Variants in SEMA4F observed in about 807,000 individuals in gnomAD.
SEMA4F encodes the protein ssemaphorin 4F.
SEMA4F carries 51 observed loss-of-function variants against 78.4 expected under a neutral mutation model. That is an observed-to-expected ratio of 0.65 (90% CI 0.52 to 0.82). SEMA4F has a LOEUF of 0.82. Ranked by LOEUF, SEMA4F falls within the 40% of genes least tolerant of loss-of-function variation. SEMA4F has a pLI of 0.00. For missense variants in SEMA4F, 938 were observed against 1,014.4 expected, an observed-to-expected ratio of 0.92 and a Z score of 1.02; for synonymous variants, 418 against 408.7, an observed-to-expected ratio of 1.02 and a Z score of -0.27.
chr2:74,658,705 A>G lies in SEMA4F; in HGVS notation c.456+754A>G, dbSNP rs1048095217. 6.6e-6 allele frequency among the ~76,000 whole-genome samples: 1 copy of G among 152,252 alleles called. No homozygotes were observed. The highest frequency in any genetic ancestry group is 1.5e-5 in the Non-Finnish European group (1 of 68,054). On this transcript the variant is annotated intron_variant, in intron 4 of 13. Transcript: ENST00000357877. The surrounding 1 kb of genome is among the most constrained non-coding windows in gnomAD (Gnocchi z 4.3). ...TCTCAGCTTTTCCCATCTGTTACAC[A>G]GTAGTCAGCACTGGTCTTTTGGCAG...
Position 74,656,550 on chromosome 2 carries a change from C to T in SEMA4F, c.162C>T (p.Leu54=). 2 of 1,614,008 alleles carry T rather than the reference C, an allele frequency of 1.2e-6. No individual in the cohort carries two copies. Among genetic ancestry groups the T allele is most frequent in the Non-Finnish European group, 1.7e-6 (2 of 1,179,894 alleles). Residue 54 remains leucine (L), a synonymous_variant, in exon 2 of 14, where the codon CTC becomes CTT. Transcript: ENST00000357877. The stretch of plus-strand genomic sequence containing the variant: ...TCCTGCCAGAGGCTGACTCCTGTCT[C>T]ACCCGGTTCGCAGTCCCTCACACAT... ...SLPISEADSC[L]TRFAVPHTYN... is the part of the protein sequence containing the mutation.
chr2:74,689,054 CTA>C, the SEMA4F span, among the ~76,000 whole-genome samples: 2 of 152,116 alleles, frequency 1.3e-5, no homozygotes, highest in African/African-American at 2.4e-5. Flanking sequence ...TTGAAAGGCG[CTA>C]TTGTTAAGGT....
intron 12 of SEMA4F, 63 bp from the exon 13 acceptor site, chr2:74,679,213 A>G: frequency 8.3e-7 from 1 of 1,201,882 alleles, no homozygotes; most frequent in Non-Finnish European, 1.2e-6. Flanking sequence ...AGTCTTCAGT[A>G]ATACTGAGGG....
At chr2:74,655,223 A>G (rs1414258897) in intron 1 of SEMA4F, 1 of 321,798 alleles carries the variant, frequency 3.1e-6, no homozygotes, top group Non-Finnish European at 6.6e-6. Flanking sequence ...TTGGTAAACC[A>G]TTCAATGTGT....
chr2:74,706,771 G>C, the SEMA4F span, among the ~76,000 whole-genome samples: 4 of 152,124 alleles, frequency 2.6e-5, no homozygotes, highest in African/African-American at 9.7e-5. Context: ...TTCTGAGTTT[G>C]CCTATTTGTT....
the SEMA4F span, among the ~76,000 whole-genome samples, chr2:74,699,542 A>G: frequency 6.6e-6 from 1 of 152,172 alleles, no homozygotes; most frequent in Non-Finnish European, 1.5e-5. Flanking sequence ...GGACTAAGAT[A>G]ATGGATATAG....
rs1233320975 is a variant in SEMA4F at position 74,658,938 on chromosome 2, A to G, written c.456+987A>G. Among the ~76,000 whole-genome samples, 1 of 151,856 alleles carries G rather than the reference A, an allele frequency of 6.6e-6. No individual in the cohort carries two copies. Among genetic ancestry groups the G allele is most frequent in the African/African-American group, 2.4e-5 (1 of 41,320 alleles). ...GGATCAAGTCAGTGTGTATCTCTAA[A>G]CCCCTCTTTGTTACATACCACCCTC... is the stretch of plus-strand genomic sequence containing the variant. On this transcript the variant is annotated intron_variant, in intron 4 of 13. Coordinates refer to ENST00000357877, the MANE Select transcript of SEMA4F (RefSeq NM_004263.5). The surrounding 1 kb of genome is among the most constrained non-coding windows in gnomAD (Gnocchi z 4.3).
intron 1 of SEMA4F, 102 bp downstream of exon 1, chr2:74,654,623 G>A: frequency 3.8e-6 from 4 of 1,065,964 alleles, no homozygotes; most frequent in Non-Finnish European, 5.1e-6. Context: ...CTCTCAGCCT[G>A]GTGTATGGCG....
At chr2:74,675,459 T>C (rs930093371) in intron 10 of SEMA4F, 66 bp from the exon 11 acceptor site, 2 of 1,591,772 alleles carry the variant, frequency 1.3e-6, no homozygotes, top group African/African-American at 2.7e-5. Context: ...CTGTAATACA[T>C]ATAGGTCTGA....
downstream of SEMA4F, among the ~76,000 whole-genome samples, chr2:74,685,434 C>T (rs1252210030): frequency 2.0e-5 from 3 of 151,990 alleles, no homozygotes; most frequent in Non-Finnish European, 4.4e-5. Context: ...TGGAAATGGA[C>T]ATATTCCTAG....
Position 74,658,071 on chromosome 2 carries a change from G to T in SEMA4F, c.456+120G>T, listed in dbSNP as rs75421655. ...CGACCATGATGGGGGCATGGTCAAG[G>T]CAACCATTGTGCATGATAAGCATTG... is the stretch of plus-strand genomic sequence containing the variant. On this transcript the variant is annotated intron_variant, in intron 4 of 13. Transcript: ENST00000357877. The surrounding 1 kb of genome is among the most constrained non-coding windows in gnomAD (Gnocchi z 4.3). 1.2e-6 allele frequency: 1 copy of T among 854,444 alleles called. No homozygotes were observed. The highest frequency in any genetic ancestry group is 1.6e-5 in the African/African-American group (1 of 60,718). 52.9% of individuals were successfully genotyped at this position (854,444 alleles called of 1,614,324 possible).
chr2:74,656,714 G>A (rs1194318318), intron 2 of SEMA4F, 29 bp downstream of exon 2: 1 of 1,610,472 alleles, frequency 6.2e-7, no homozygotes, highest in African/African-American at 1.3e-5. Context: ...AAGGACCCCT[G>A]ACCCTGTAGC....
In SEMA4F at chr2:74,682,863, C is replaced by G. The variant is rs557105232; in HGVS notation, c.*2654C>G. On this transcript the variant is annotated 3_prime_UTR_variant, in exon 14 of 14. Transcript: ENST00000357877. ...TCACCTAGGGCCAGGCACCAGACAA[C>G]TAGGGATGGCCTCTTTACCCCAAAG... 1.3e-5 allele frequency: 2 copies of G among 152,370 alleles called. No homozygotes were observed. Among genetic ancestry groups the G allele is most frequent in the South Asian group, 4.1e-4 (2 of 4,826 alleles). 9.4% of individuals were successfully genotyped at this position (152,370 alleles called of 1,614,324 possible). A position where few individuals can be genotyped will look rare whatever the true frequency, so the allele number is the denominator to read the frequency against.
chr2:74,707,269 A>G, the SEMA4F span, among the ~76,000 whole-genome samples: 3 of 152,206 alleles, frequency 2.0e-5, no homozygotes, highest in Non-Finnish European at 4.4e-5. Context: ...CAGATGCTGA[A>G]GTATTTGGGG....
In SEMA4F at chr2:74,675,897, G is replaced by C. The variant is rs1381165205; in HGVS notation, c.1631G>C (p.Gly544Ala). The C allele has an allele frequency of 6.2e-7, 1 of 1,612,388 alleles. No homozygotes were observed. Among genetic ancestry groups the C allele is most frequent in the Admixed American group, 1.7e-5 (1 of 59,912 alleles). The stretch of plus-strand genomic sequence containing the variant: ...CTGGATGAGTGTGTGGCCCATGCCG[G>C]GGAGCACCGAGGGTGAGTGTAGCTG... ...FRLDECVAHA[G>A]EHRGLVQDIE... The change falls in exon 12 of 14, where the codon GGG (glycine) becomes GCG (alanine). Residue 544 changes from glycine to alanine, a missense_variant. Gly to Ala is a moderately conservative substitution (Grantham distance 60, BLOSUM62 0). Coordinates refer to ENST00000357877, the MANE Select transcript of SEMA4F (RefSeq NM_004263.5).
intron 5 of SEMA4F, among the ~76,000 whole-genome samples, chr2:74,665,913 T>TTTTG (rs1553426965): frequency 6.6e-6 from 1 of 151,634 alleles, no homozygotes; most frequent in African/African-American, 2.4e-5. Context: ...TTTTTTTTTT[T>TTTTG]TTTTGTTTTT....
intron 13 of SEMA4F, 60 bp downstream of exon 13, chr2:74,679,394 G>T (rs1022289290): frequency 6.6e-7 from 1 of 1,516,010 alleles, no homozygotes. Context: ...AGGGGCTAGA[G>T]AGTTGTTCAT....
At position 74,680,052 on chromosome 2, in the gene SEMA4F, C is replaced by T. The variant is rs572401608; in HGVS notation, c.2156C>T (p.Pro719Leu). Residue 719 changes from proline to leucine, a missense_variant, in exon 14 of 14, where the codon CCC becomes CTC. By Grantham distance (98) the Pro-to-Leu change is moderately conservative. Transcript: ENST00000357877. ...AGCTACAGCCAAGACCCTCCCTCCC[C>T]CTCTCCTGAAGATGAGCGGTTGCCG... is the stretch of plus-strand genomic sequence containing the variant. ...TTSYSQDPPS[P>L]SPEDERLPLA... 2 of 1,614,140 alleles carry T rather than the reference C, an allele frequency of 1.2e-6. No homozygotes were observed. The highest frequency in any genetic ancestry group is 2.2e-5 in the South Asian group (2 of 91,084).
chr2:74,674,626 T>C lies in SEMA4F; in HGVS notation c.951T>C (p.Pro317=), dbSNP rs1685164044. 1 of 1,614,132 alleles carries C rather than the reference T, an allele frequency of 6.2e-7. No homozygotes were observed. Among genetic ancestry groups the C allele is most frequent in the East Asian group, 2.2e-5 (1 of 44,882 alleles). The change falls in exon 8 of 14, where the codon CCT becomes CCC. Residue 317 remains proline (P), a synonymous_variant. Coordinates refer to ENST00000357877, the MANE Select transcript of SEMA4F (RefSeq NM_004263.5). ...SVLQDVAVLR[P]ELGAGTPIFY... ...TGCAGGATGTTGCTGTGCTTCGACC[T>C]GAGCTTGGGGCAGGGACTCCCATCT...
Sources: gnomAD v4.1 joint callset for allele counts (sites outside exome capture counted in the v4.1 genomes callset) on GRCh38, gnomAD v4.1.1 for gene constraint, Gnocchi (gnomAD v3.1) non-coding constraint, MANE v1.5 for transcripts, NCBI Gene and HGNC (gene_info 2026-07-23, HGNC 2026-07-21) for gene names.